KCNB2: variants seen among roughly 807,000 people sequenced by gnomAD.
The protein encoded by KCNB2 is potassium voltage-gated channel subfamily B member 2.
KCNB2 carries 15 observed loss-of-function variants against 61.5 expected under a neutral mutation model. The observed-to-expected ratio is 0.24, with a 90% CI of 0.16 to 0.38. The LOEUF is 0.38. Among genes scored for constraint, KCNB2 ranks in the 10% least tolerant of loss-of-function variants. The probability of loss-of-function intolerance (pLI) is 1.00; values close to 1 mark genes in which losing one functional copy is unlikely to be tolerated. For missense variants in KCNB2, 828 were observed against 1,125.2 expected, an observed-to-expected ratio of 0.74 and a Z score of 3.78; for synonymous variants, 457 against 446.0, an observed-to-expected ratio of 1.02 and a Z score of -0.31.
chr8:72,801,690 AG>A (rs1423714007), intron 2 of KCNB2, among the ~76,000 whole-genome samples: 1 of 152,136 alleles, frequency 6.6e-6, no homozygotes, highest in African/African-American at 2.4e-5. Flanking sequence ...AGGTAGAATC[AG>A]GGTGCAATAA....
chr8:72,670,267 A>G (rs1806541799), intron 2 of KCNB2, among the ~76,000 whole-genome samples: 1 of 152,228 alleles, frequency 6.6e-6, no homozygotes, highest in Admixed American at 6.5e-5. Context: ...TTTTAGAGAT[A>G]AATCAATTTG....
At chr8:72,695,349 T>C (rs879394233) in intron 2 of KCNB2, among the ~76,000 whole-genome samples, 7 of 152,148 alleles carry the variant, frequency 4.6e-5, no homozygotes, top group Non-Finnish European at 7.4e-5. Context: ...CATCAGAAAT[T>C]GTTTGCTTCA....
chr8:72,565,117 G>A (rs948976640), intron 1 of KCNB2, among the ~76,000 whole-genome samples: 5 of 145,786 alleles, frequency 3.4e-5, no homozygotes, highest in Non-Finnish European at 7.6e-5. Context: ...AAGCATTTTT[G>A]TCATGTGTGA....
intron 2 of KCNB2, among the ~76,000 whole-genome samples, chr8:72,600,085 A>T (rs1303059711): frequency 6.6e-6 from 1 of 152,366 alleles, no homozygotes; most frequent in Admixed American, 6.5e-5. Flanking sequence ...CAGCCATCCC[A>T]TTATGGGGTA....
intron 2 of KCNB2, among the ~76,000 whole-genome samples, chr8:72,710,959 C>T (rs1431497862): frequency 1.3e-5 from 2 of 152,186 alleles, no homozygotes; most frequent in African/African-American, 4.8e-5. Context: ...TCAACATAGG[C>T]TAAGTTATGC....
chr8:72,758,589 A>G (rs906834913), intron 2 of KCNB2, among the ~76,000 whole-genome samples: 1 of 152,182 alleles, frequency 6.6e-6, no homozygotes, highest in Non-Finnish European at 1.5e-5. Flanking sequence ...TGTTTTATTC[A>G]AGATGCTCAT....
At chr8:72,886,741 C>G (rs891837677) in intron 2 of KCNB2, among the ~76,000 whole-genome samples, 3 of 152,214 alleles carry the variant, frequency 2.0e-5, no homozygotes, top group Non-Finnish European at 2.9e-5. Flanking sequence ...CTCTTTCAGC[C>G]AAACAAAATA....
Position 72,537,578 on chromosome 8 carries a change from A to C in KCNB2, c.-401A>C, listed in dbSNP as rs1484339838. ...GGGACCCCGTGTGGGGAAGGGGTTG[A>C]AGATCGATGAAGATTATTGTTCTTT... On this transcript the variant is annotated 5_prime_UTR_variant, in exon 1 of 3. Transcript: ENST00000523207. 6.6e-6 allele frequency: 1 copy of C among 152,500 alleles called. No individual in the cohort carries two copies. The highest frequency in any genetic ancestry group is 6.5e-5 in the Admixed American group (1 of 15,278). 9.4% of individuals were successfully genotyped at this position (152,500 alleles called of 1,614,324 possible).
At chr8:72,810,679 AAGG>A (rs1430493897) in intron 2 of KCNB2, among the ~76,000 whole-genome samples, 1 of 152,190 alleles carries the variant, frequency 6.6e-6, no homozygotes, top group African/African-American at 2.4e-5. Context: ...CAAGTTTTTG[AAGG>A]AGTTCCTCCA....
At chr8:72,883,770 G>T (rs902734463) in intron 2 of KCNB2, among the ~76,000 whole-genome samples, 1 of 152,064 alleles carries the variant, frequency 6.6e-6, no homozygotes, top group Non-Finnish European at 1.5e-5. Flanking sequence ...GGCCCATTTT[G>T]AAACGTTACG....
At chr8:72,595,206 T>C (rs79659803) in intron 2 of KCNB2, among the ~76,000 whole-genome samples, 1,871 of 152,054 alleles carry the variant, frequency 0.012, 33 homozygotes, top group African/African-American at 0.042. Context: ...CATTTCCCAC[T>C]CTGTTCCAGC....
chr8:72,726,830 G>A (rs1807658353), intron 2 of KCNB2, among the ~76,000 whole-genome samples: 1 of 151,892 alleles, frequency 6.6e-6, no homozygotes, highest in South Asian at 2.1e-4. Context: ...AAATGAAGAG[G>A]CAGCTCAGGA....
chr8:72,745,064 C>G (rs1267738160), intron 2 of KCNB2, among the ~76,000 whole-genome samples: 1 of 152,212 alleles, frequency 6.6e-6, no homozygotes, highest in Admixed American at 6.5e-5. Flanking sequence ...TACTGCAGCT[C>G]TCTCTTTCAC....
intron 2 of KCNB2, among the ~76,000 whole-genome samples, chr8:72,634,416 C>T (rs1805933435): frequency 1.3e-5 from 2 of 152,146 alleles, no homozygotes; most frequent in Non-Finnish European, 1.5e-5. Context: ...TTTCATATTT[C>T]TAACCACTTC....
intron 2 of KCNB2, among the ~76,000 whole-genome samples, chr8:72,777,218 C>T (rs114031927): frequency 1.7e-3 from 253 of 152,286 alleles, no homozygotes; most frequent in African/African-American, 5.7e-3. Context: ...TAAAGATCAA[C>T]AGACTGGTGA....
chr8:72,546,221 A>G (rs1806256097), intron 1 of KCNB2, among the ~76,000 whole-genome samples: 1 of 152,154 alleles, frequency 6.6e-6, no homozygotes, highest in Non-Finnish European at 1.5e-5. Context: ...CCGTGATACA[A>G]AAGTGCAAGG....
At chr8:72,628,657 T>C (rs1404764711) in intron 2 of KCNB2, among the ~76,000 whole-genome samples, 1 of 152,178 alleles carries the variant, frequency 6.6e-6, no homozygotes, top group East Asian at 1.9e-4. Flanking sequence ...CTGATAAACA[T>C]GTGTTGCCCC....
chr8:72,561,778 G>C (rs13252929), intron 1 of KCNB2, among the ~76,000 whole-genome samples: 3 of 34,322 alleles, frequency 8.7e-5, no homozygotes, highest in African/African-American at 3.3e-4. Flanking sequence ...TATATATATG[G>C]ATATATATAT....
chr8:72,911,645 T>C (rs1344797082), intron 2 of KCNB2, among the ~76,000 whole-genome samples: 1 of 152,202 alleles, frequency 6.6e-6, no homozygotes, highest in African/African-American at 2.4e-5. Context: ...ATGTTCAGCA[T>C]CATCTCAATG....
Sources: gnomAD v4.1 joint callset for allele counts (sites outside exome capture counted in the v4.1 genomes callset) on GRCh38, gnomAD v4.1.1 for gene constraint, MANE v1.5 for transcripts, NCBI Gene and HGNC (gene_info 2026-07-23, HGNC 2026-07-21) for gene names.